FAF2: variants seen among roughly 807,000 people sequenced by gnomAD.
The protein encoded by FAF2 is Fas associated factor family member 2.
Under a neutral mutation model 62.3 loss-of-function variants are expected in FAF2, and 9 were observed. That is an observed-to-expected ratio of 0.14 (90% CI 0.09 to 0.25). The LOEUF (loss-of-function observed/expected upper bound fraction) is 0.25, where lower values mean the gene tolerates loss of function less well. Ranked by LOEUF, FAF2 falls within the 10% of genes least tolerant of loss-of-function variation. FAF2 has a pLI of 1.00. For synonymous variants in FAF2, 202 were observed against 198.0 expected, an observed-to-expected ratio of 1.02 and a Z score of -0.17; for missense variants, 368 against 556.2, an observed-to-expected ratio of 0.66 and a Z score of 3.40.
At chr5:176,465,730 C>G (rs370232626) in intron 1 of FAF2, among the ~76,000 whole-genome samples, 2 of 152,154 alleles carry the variant, frequency 1.3e-5, no homozygotes, top group East Asian at 3.8e-4. Flanking sequence ...CACAGTGGCT[C>G]ATGCCTGTAA....
chr5:176,483,498 C>T (rs751838861), intron 2 of FAF2, among the ~76,000 whole-genome samples: 1 of 152,110 alleles, frequency 6.6e-6, no homozygotes, highest in South Asian at 2.1e-4. Context: ...CCAATTATCC[C>T]AGCATCATTT....
At chr5:176,498,772 C>A in intron 8 of FAF2, 142 bp from the exon 9 acceptor site, 1 of 702,992 alleles carries the variant, frequency 1.4e-6, no homozygotes, top group Non-Finnish European at 2.0e-6. Context: ...CTTTTGGAAT[C>A]CCTTATGGCA....
chr5:176,476,955 G>A (rs374504864), intron 1 of FAF2, among the ~76,000 whole-genome samples: 2 of 151,448 alleles, frequency 1.3e-5, no homozygotes, highest in East Asian at 1.9e-4. Context: ...GACTACAGGC[G>A]CCCACCACCA....
chr5:176,496,679 C>T lies in FAF2; in HGVS notation c.839+16C>T, dbSNP rs754889251. 5.3e-6 allele frequency: 8 copies of T among 1,502,182 alleles called. No individual in the cohort carries two copies. In the South Asian group the frequency reaches 8.1e-5, roughly 15 times the overall value. The allele number at this position is 1,502,182 out of a possible 1,614,324, so 93.1% of individuals were successfully genotyped here. ...GCCTAGAAAGGTACAAGGGAGTTCC[C>T]TTCTGGAACAGAGAGAGACCAGTTG... On this transcript the variant is annotated intron_variant, in intron 8 of 10. Transcript: ENST00000261942.
intron 1 of FAF2, among the ~76,000 whole-genome samples, chr5:176,472,430 C>T (rs1305062905): frequency 1.3e-5 from 2 of 152,062 alleles, no homozygotes; most frequent in Non-Finnish European, 2.9e-5. Context: ...CAGGCGTGAT[C>T]CACCACGCCC....
At chr5:176,470,988 A>G (rs1758558383) in intron 1 of FAF2, among the ~76,000 whole-genome samples, 1 of 152,206 alleles carries the variant, frequency 6.6e-6, no homozygotes, top group Non-Finnish European at 1.5e-5. Flanking sequence ...ATTTCTCACA[A>G]AGGCAAATAG....
chr5:176,470,470 G>A (rs1307366536), intron 1 of FAF2, among the ~76,000 whole-genome samples: 8 of 152,248 alleles, frequency 5.3e-5, no homozygotes, highest in Non-Finnish European at 8.8e-5. Context: ...CCAGCTACGC[G>A]GGAGGCTGAG....
At chr5:176,465,161 GAT>G (rs1758441384) in intron 1 of FAF2, among the ~76,000 whole-genome samples, 2 of 151,866 alleles carry the variant, frequency 1.3e-5, no homozygotes, top group Non-Finnish European at 2.9e-5. Context: ...AAAGTGCTGG[GAT>G]TACAGGCGTG....
chr5:176,494,919 A>G lies in FAF2; in HGVS notation c.661+644A>G, dbSNP rs1759036852. ...CCCGTTCTTCACATTCAGCATTGCC[A>G]AAGCCTGCCACATTCATAGAAATAC... On this transcript the variant is annotated intron_variant, in intron 7 of 10. Coordinates refer to ENST00000261942, the MANE Select transcript of FAF2 (RefSeq NM_014613.3). The surrounding 1 kb of genome is among the most constrained non-coding windows in gnomAD (Gnocchi z 4.0). Among the ~76,000 whole-genome samples, 1 of 152,206 alleles carries G rather than the reference A, an allele frequency of 6.6e-6. No individual in the cohort carries two copies. Among genetic ancestry groups the G allele is most frequent in the South Asian group, 2.1e-4 (1 of 4,838 alleles).
intron 2 of FAF2, 131 bp from the exon 3 acceptor site, chr5:176,486,224 C>T: frequency 9.3e-7 from 1 of 1,078,128 alleles, no homozygotes; most frequent in East Asian, 2.5e-5. Context: ...CATGAAGGTG[C>T]ACTCCTCAGT....
chr5:176,467,187 T>C (rs1758485297), intron 1 of FAF2, among the ~76,000 whole-genome samples: 2 of 147,178 alleles, frequency 1.4e-5, no homozygotes, highest in Admixed American at 7.1e-5. Context: ...GTGGGGGATT[T>C]ATGGTAGCAA....
At chr5:176,493,438 C>G (rs1252016494) in intron 5 of FAF2, among the ~76,000 whole-genome samples, 5 of 152,206 alleles carry the variant, frequency 3.3e-5, no homozygotes, top group Non-Finnish European at 5.9e-5. Flanking sequence ...GGAGCACGCA[C>G]ATGCAGGAGC....
At chr5:176,487,660 G>A (rs1400911196) in intron 3 of FAF2, among the ~76,000 whole-genome samples, 1 of 152,120 alleles carries the variant, frequency 6.6e-6, no homozygotes, top group Non-Finnish European at 1.5e-5. Flanking sequence ...AGCCCTGGAT[G>A]TATGCTAGTT....
At chr5:176,498,255 G>A (rs1755532108) in intron 8 of FAF2, among the ~76,000 whole-genome samples, 2 of 152,328 alleles carry the variant, frequency 1.3e-5, no homozygotes, top group East Asian at 1.9e-4. Context: ...GATTGGAGTG[G>A]TGATTACATG....
intron 1 of FAF2, among the ~76,000 whole-genome samples, chr5:176,474,201 C>T (rs957962479): frequency 1.9e-4 from 29 of 152,178 alleles, no homozygotes; most frequent in African/African-American, 6.8e-4. Context: ...TATCCATTAC[C>T]ACTCTATCCA....
At chr5:176,490,857 G>C (rs2913895) in intron 4 of FAF2, among the ~76,000 whole-genome samples, 126,312 of 151,794 alleles carry the variant, frequency 0.83, 52,710 homozygotes, top group African/African-American at 0.91. Flanking sequence ...AAAAATAAAG[G>C]CTTTAAGAGA....
intron 1 of FAF2, among the ~76,000 whole-genome samples, chr5:176,451,962 C>T (rs73328178): frequency 0.11 from 12,315 of 113,712 alleles, 903 homozygotes; most frequent in African/African-American, 0.21. Flanking sequence ...AGTGCAGTGG[C>T]GTGATCATAG....
chr5:176,479,925 C>T (rs919582556), intron 2 of FAF2, among the ~76,000 whole-genome samples: 5 of 152,128 alleles, frequency 3.3e-5, no homozygotes, highest in Non-Finnish European at 7.4e-5. Context: ...GAACTCCTGA[C>T]CTCAGATGAT....
At chr5:176,471,799 C>G (rs1163705467) in intron 1 of FAF2, among the ~76,000 whole-genome samples, 1 of 151,602 alleles carries the variant, frequency 6.6e-6, no homozygotes, top group Non-Finnish European at 1.5e-5. Context: ...AAGCAGTTTT[C>G]CTGCCTCAGC....
Sources: allele counts gnomAD v4.1 joint callset (sites outside exome capture counted in the v4.1 genomes callset), GRCh38; gene constraint gnomAD v4.1.1; non-coding constraint Gnocchi (gnomAD v3.1); transcripts MANE v1.5; gene names NCBI Gene and HGNC (gene_info 2026-07-23, HGNC 2026-07-21).